Variants in PPP3CC observed in about 807,000 individuals in gnomAD.
The protein encoded by PPP3CC is serine/threonine-protein phosphatase 2B catalytic subunit gamma isoform.
PPP3CC carries 35 observed loss-of-function variants against 60.3 expected under a neutral mutation model. That is an observed-to-expected ratio of 0.58 (90% CI 0.44 to 0.77). PPP3CC has a LOEUF of 0.77. Among genes scored for constraint, PPP3CC ranks in the 30% least tolerant of loss-of-function variants. PPP3CC has a pLI of 0.00. For missense variants in PPP3CC, 570 were observed against 628.9 expected, an observed-to-expected ratio of 0.91 and a Z score of 1.00; for synonymous variants, 206 against 224.3, an observed-to-expected ratio of 0.92 and a Z score of 0.73.
chr8:22,468,336 C>A (rs1837611556), intron 1 of PPP3CC, among the ~76,000 whole-genome samples: 2 of 152,138 alleles, frequency 1.3e-5, no homozygotes, highest in African/African-American at 4.8e-5. Flanking sequence ...AACTCCTGAC[C>A]TCAGGTGATC....
intron 3 of PPP3CC, among the ~76,000 whole-genome samples, chr8:22,481,073 G>A (rs1402979769): frequency 1.3e-5 from 2 of 152,178 alleles, no homozygotes; most frequent in Non-Finnish European, 2.9e-5. Context: ...AGTGGCTCAT[G>A]CCTGTAATCC....
chr8:22,455,106 G>A (rs1188051603), intron 1 of PPP3CC, among the ~76,000 whole-genome samples: 1 of 148,230 alleles, frequency 6.7e-6, no homozygotes, highest in Admixed American at 6.7e-5. Context: ...AAATGCTTAA[G>A]AAGAAAAATG....
chr8:22,531,334 C>T (rs1171463474), intron 10 of PPP3CC: 44 of 1,528,852 alleles, frequency 2.9e-5, no homozygotes, highest in East Asian at 4.9e-5. Flanking sequence ...GAAAGGTATC[C>T]GACTAAACTG....
chr8:22,495,801 T>G (rs1563740235), intron 3 of PPP3CC, among the ~76,000 whole-genome samples: 1 of 152,082 alleles, frequency 6.6e-6, no homozygotes, highest in Non-Finnish European at 1.5e-5. Context: ...TCAGGTGATC[T>G]GCCTGCCTCT....
intron 1 of PPP3CC, among the ~76,000 whole-genome samples, chr8:22,451,754 C>T (rs1310552879): frequency 8.5e-5 from 13 of 152,280 alleles, no homozygotes; most frequent in East Asian, 3.9e-4. Flanking sequence ...ATTCAGTGTA[C>T]GCAAATTTAT....
intron 3 of PPP3CC, among the ~76,000 whole-genome samples, chr8:22,494,679 A>G (rs1330493076): frequency 2.0e-5 from 3 of 152,160 alleles, no homozygotes; most frequent in Non-Finnish European, 2.9e-5. Flanking sequence ...AGAGTGATCT[A>G]CTACTTTGAG....
chr8:22,482,145 C>T (rs1202020297), intron 3 of PPP3CC, among the ~76,000 whole-genome samples: 2 of 152,200 alleles, frequency 1.3e-5, no homozygotes, highest in African/African-American at 4.8e-5. Flanking sequence ...TTTACACTCC[C>T]ACCAACAGTG....
chr8:22,446,761 G>A (rs1836834589), intron 1 of PPP3CC, among the ~76,000 whole-genome samples: 1 of 135,432 alleles, frequency 7.4e-6, no homozygotes, highest in Admixed American at 8.1e-5. Context: ...AACTGAGATT[G>A]CGCCACTGCA....
intron 3 of PPP3CC, among the ~76,000 whole-genome samples, chr8:22,480,906 A>G (rs1180176734): frequency 2.0e-5 from 3 of 152,364 alleles, no homozygotes; most frequent in Non-Finnish European, 2.9e-5. Flanking sequence ...GACCAGCCTG[A>G]GCAAGACCTT....
rs780627360 is a variant in PPP3CC at position 22,513,388 on chromosome 8, G to A, written c.726G>A (p.Glu242=). Residue 242 remains glutamate (E), a synonymous_variant, in exon 6 of 14, where the codon GAG becomes GAA. Transcript: ENST00000240139. ...SEDYGNEKTL[E]HYTHNTVRGC... is the part of the protein sequence containing the mutation. The stretch of plus-strand genomic sequence containing the variant: ...ATTATGGCAATGAGAAGACCTTGGA[G>A]CACTATACCCACAACACTGTCCGAG... 3.2e-5 allele frequency: 52 copies of A among 1,613,848 alleles called. No homozygotes were observed. The highest frequency in any genetic ancestry group is 1.2e-4 in the Admixed American group (7 of 59,976).
Position 22,514,017 on chromosome 8 carries a change from G to A in PPP3CC, c.770+585G>A, listed in dbSNP as rs948736424. Among the ~76,000 whole-genome samples, 14 of 152,252 alleles carry A rather than the reference G, an allele frequency of 9.2e-5. No individual in the cohort carries two copies. The South Asian group carries it at 1.0e-3, about 11-fold the overall frequency. On this transcript the variant is annotated intron_variant, in intron 6 of 13. Transcript: ENST00000240139. ...TCCCAGCTCTTTGGGGTGCCTAGGC[G>A]GGCGGATCACTTAAGGCCAGGAGTT...
rs1319479766 is a variant in PPP3CC at position 22,441,424 on chromosome 8, C to T, written c.15C>T (p.Arg5=). ...CCGAGGGGACCATGTCCGGGAGGCG[C>T]TTCCACCTCTCCACCACCGACCGCG... MSGR[R]FHLSTTDRVI... The change falls in exon 1 of 14, where the codon CGC becomes CGT. Residue 5 remains arginine, a synonymous_variant. Transcript: ENST00000240139. 6 of 1,546,222 alleles carry T rather than the reference C, an allele frequency of 3.9e-6. No individual in the cohort carries two copies. The African/African-American group carries it at 8.4e-5, about 22-fold the overall frequency.
Position 22,524,427 on chromosome 8 carries a change from C to G in PPP3CC, c.943+1678C>G, listed in dbSNP as rs538201130. ...AAAAAGCATGTCTTTAACTTAAGTTCTGTCCTAGTCTTATGTTTTCATTTA... is the reference window on the plus strand; with the variant it reads ...AAAAAGCATGTCTTTAACTTAAGTTGTGTCCTAGTCTTATGTTTTCATTTA... On this transcript the variant is annotated intron_variant, in intron 8 of 13. Coordinates refer to ENST00000240139, the MANE Select transcript of PPP3CC (RefSeq NM_005605.5). Among the ~76,000 whole-genome samples, 666 of 152,298 alleles carry G rather than the reference C, an allele frequency of 4.4e-3. 6 individuals carry two copies. Among genetic ancestry groups the G allele is most frequent in the African/African-American group, 0.016 (645 of 41,562 alleles).
rs745331553 is a variant in PPP3CC at position 22,532,230 on chromosome 8, A to T, written c.1147A>T (p.Thr383Ser). The stretch of plus-strand genomic sequence containing the variant: ...TATTCTTTGTATTCTCTAAGGAAGC[A>T]CTACAGTTCGTAAGGAGATCATCAG... ...LISDDEAEGSTTVRKEIIRNK... is the reference protein window; with the variant it reads ...LISDDEAEGSSTVRKEIIRNK... Residue 383 changes from threonine to serine, a missense_variant, in exon 11 of 14, where the codon ACT becomes TCT. Thr to Ser is a moderately conservative substitution (Grantham distance 58, BLOSUM62 1). Coordinates refer to ENST00000240139, the MANE Select transcript of PPP3CC (RefSeq NM_005605.5). 1.9e-6 allele frequency: 3 copies of T among 1,610,072 alleles called. No individual in the cohort carries two copies. The South Asian group carries it at 3.3e-5, about 18-fold the overall frequency.
rs191428982 is a variant in PPP3CC, at chr8:22,499,707, G to A, written c.484+1595G>A. On this transcript the variant is annotated intron_variant, in intron 4 of 13. Coordinates refer to ENST00000240139, the MANE Select transcript of PPP3CC (RefSeq NM_005605.5). ...GATGTTTGGGAGATCCTGCCCCAGGGCATTTGCATTTTTAGTTCTTCTTTT... is the reference window on the plus strand; with the variant it reads ...GATGTTTGGGAGATCCTGCCCCAGGACATTTGCATTTTTAGTTCTTCTTTT... Among the ~76,000 whole-genome samples, 135 of 152,290 alleles carry A rather than the reference G, an allele frequency of 8.9e-4. 1 individual carries two copies. The highest frequency in any genetic ancestry group is 3.1e-3 in the African/African-American group (130 of 41,582).
At chr8:22,492,524 T>C (rs753080322) in intron 3 of PPP3CC, 4 of 325,858 alleles carry the variant, frequency 1.2e-5, no homozygotes, top group Non-Finnish European at 2.3e-5. Context: ...TGCGTCCCCA[T>C]GTGTGTGCAC....
chr8:22,471,666 T>C (rs1837725794), intron 1 of PPP3CC, among the ~76,000 whole-genome samples: 2 of 152,108 alleles, frequency 1.3e-5, no homozygotes, highest in South Asian at 4.1e-4. Flanking sequence ...CTGGTACACC[T>C]GTATAGGGCA....
intron 1 of PPP3CC, among the ~76,000 whole-genome samples, chr8:22,441,769 C>G (rs940262619): frequency 2.6e-5 from 4 of 152,182 alleles, no homozygotes; most frequent in Admixed American, 6.5e-5. Context: ...AGAAACGACT[C>G]GGGGGAAGCC....
In PPP3CC at chr8:22,532,906, G is replaced by T; in HGVS notation, c.1224-15G>T. On this transcript the variant is annotated splice_polypyrimidine_tract_variant and intron_variant, in intron 11 of 13. Coordinates refer to ENST00000240139, the MANE Select transcript of PPP3CC (RefSeq NM_005605.5). The stretch of plus-strand genomic sequence containing the variant: ...GTTCTCGGGCATTAACCCAGGGTTT[G>T]GTCTCCCTTTGCAGGCAAGAAAGTG... 6.5e-7 allele frequency: 1 copy of T among 1,539,150 alleles called. No individual in the cohort carries two copies. The highest frequency in any genetic ancestry group is 8.8e-7 in the Non-Finnish European group (1 of 1,136,406).
Sources: gnomAD v4.1 joint callset for allele counts (sites outside exome capture counted in the v4.1 genomes callset) on GRCh38, gnomAD v4.1.1 for gene constraint, MANE v1.5 for transcripts, NCBI Gene and HGNC (gene_info 2026-07-23, HGNC 2026-07-21) for gene names.